Variants in ZNF596 observed in about 807,000 individuals in gnomAD.
The protein encoded by ZNF596 is zinc finger protein 596.
A neutral mutation model predicts 48.3 loss-of-function variants in ZNF596; 45 were observed. The ratio of observed to expected loss-of-function variants is 0.93; its 90% CI spans 0.73 to 1.19. The LOEUF (loss-of-function observed/expected upper bound fraction) is 1.19. Among genes scored for constraint, ZNF596 ranks in the 50% most tolerant of loss-of-function variants. ZNF596 has a pLI of 0.00. For missense variants in ZNF596, 848 were observed against 599.7 expected (o/e 1.41, Z -4.32); for synonymous variants, 270 against 202.0 (o/e 1.34, Z -2.85).
At chr8:241,540 T>C (rs894132901) in intron 2 of ZNF596, among the ~76,000 whole-genome samples, 1 of 152,218 alleles carries the variant, frequency 6.6e-6, no homozygotes, top group African/African-American at 2.4e-5. Context: ...TGATCAAATT[T>C]GATAACTGGA....
At position 246,857 on chromosome 8, in the gene ZNF596, G is replaced by A. The variant is rs1797110496; in HGVS notation, c.*495G>A. On this transcript the variant is annotated 3_prime_UTR_variant, in exon 6 of 6. Transcript: ENST00000398612. ...TATGTGAAAATATTTTTTATTAGGTGGATGAGGCCTCTTGAACAATTCCAG... is the reference window on the plus strand; with the variant it reads ...TATGTGAAAATATTTTTTATTAGGTAGATGAGGCCTCTTGAACAATTCCAG... 1.3e-5 allele frequency: 2 copies of A among 154,798 alleles called. No homozygotes were observed. The highest frequency in any genetic ancestry group is 2.4e-5 in the African/African-American group (1 of 41,446). The allele number at this position is 154,798 out of a possible 1,614,324, so 9.6% of individuals were successfully genotyped here.
chr8:239,849 G>A (rs1032163614), intron 1 of ZNF596, among the ~76,000 whole-genome samples: 1 of 152,118 alleles, frequency 6.6e-6, no homozygotes, highest in Non-Finnish European at 1.5e-5. Flanking sequence ...GGGACTGTAC[G>A]TTCCAAGCTT....
chr8:244,462 A>C, intron 4 of ZNF596, 157 bp from the exon 5 acceptor site: 1 of 614,886 alleles, frequency 1.6e-6, no homozygotes, highest in Non-Finnish European at 2.8e-6. Flanking sequence ...GTCAGTAGTC[A>C]ATGTGCTATA....
At chr8:234,858 A>G (rs1277281827) in intron 1 of ZNF596, 2 of 152,208 alleles carry the variant, frequency 1.3e-5, no homozygotes, top group African/African-American at 4.8e-5. Flanking sequence ...CAGTGAGGCA[A>G]GTATGGGTCG....
At position 246,701 on chromosome 8, in the gene ZNF596, C is replaced by T. The variant is rs1797104587; in HGVS notation, c.*339C>T. On this transcript the variant is annotated 3_prime_UTR_variant, in exon 6 of 6. Coordinates refer to ENST00000398612, the MANE Select transcript of ZNF596 (RefSeq NM_001042416.3). ...AATGCCTTTGCTGATAATTTATCCT[C>T]TAAACAAATGAGTAAAATCCACAGG... is the stretch of plus-strand genomic sequence containing the variant. 4.8e-6 allele frequency: 1 copy of T among 206,660 alleles called. No homozygotes were observed. The highest frequency in any genetic ancestry group is 9.7e-6 in the Non-Finnish European group (1 of 103,158). 12.8% of individuals were successfully genotyped at this position (206,660 alleles called of 1,614,324 possible).
At position 240,636 on chromosome 8, in the gene ZNF596, A is replaced by G. The variant is rs139179838; in HGVS notation, c.-72-188A>G. On this transcript the variant is annotated intron_variant, in intron 1 of 5. Coordinates refer to ENST00000398612, the MANE Select transcript of ZNF596 (RefSeq NM_001042416.3). ...ACATTTCTAGGTCTAAAATAAAAATATTTATATCTTTATTAGCAGCAATAG... is the reference window on the plus strand; with the variant it reads ...ACATTTCTAGGTCTAAAATAAAAATGTTTATATCTTTATTAGCAGCAATAG... 344 of 489,078 alleles carry G rather than the reference A, an allele frequency of 7.0e-4. 1 individual carries two copies. The highest frequency in any genetic ancestry group is 5.5e-3 in the African/African-American group (285 of 52,056). 30.3% of individuals were successfully genotyped at this position (489,078 alleles called of 1,614,324 possible).
rs763092549 is a variant in ZNF596 at position 246,147 on chromosome 8, C to G, written c.1300C>G (p.Leu434Val). The G allele has an allele frequency of 6.2e-7, 1 of 1,613,294 alleles. No individual in the cohort carries two copies. The highest frequency in any genetic ancestry group is 1.3e-5 in the African/African-American group (1 of 74,896). ...CGKAFNHSSV[L>V]RRHERTHTGE... ...AAAAGCCTTCAATCACTCTTCTGTCCTTAGACGACATGAGAGAACTCACAC... is the reference window on the plus strand; with the variant it reads ...AAAAGCCTTCAATCACTCTTCTGTCGTTAGACGACATGAGAGAACTCACAC... Residue 434 changes from leucine (L) to valine (V), a missense_variant, in exon 6 of 6, where the codon CTT becomes GTT. By Grantham distance (32) the Leu-to-Val change is conservative. Transcript: ENST00000398612.
chr8:236,103 A>C (rs960255769), intron 1 of ZNF596, among the ~76,000 whole-genome samples: 2 of 152,136 alleles, frequency 1.3e-5, no homozygotes, highest in Non-Finnish European at 2.9e-5. Flanking sequence ...TATTCATGTC[A>C]TTTTTATATC....
Position 244,645 on chromosome 8 carries a change from G to C in ZNF596, c.250G>C (p.Glu84Gln), listed in dbSNP as rs552316216. ...QGREVGIKHQ[E>Q]IPFIQHIYQK... Reference sequence around the variant, plus strand: ...TAGAGAAGTTGGCATTAAACATCAAGAGATACCATTCATTCAACATATCTA... The same window carrying C: ...TAGAGAAGTTGGCATTAAACATCAACAGATACCATTCATTCAACATATCTA... Residue 84 changes from glutamate to glutamine, a missense_variant, in exon 5 of 6, where the codon GAG becomes CAG. Physicochemically the swap from Glu to Gln is conservative, Grantham distance 29 (BLOSUM62 2). Coordinates refer to ENST00000398612, the MANE Select transcript of ZNF596 (RefSeq NM_001042416.3). 5.6e-6 allele frequency: 9 copies of C among 1,612,498 alleles called. No individual in the cohort carries two copies. In the South Asian group the frequency reaches 7.7e-5, roughly 14 times the overall value.
chr8:235,039 A>G (rs1796567714), intron 1 of ZNF596, among the ~76,000 whole-genome samples: 1 of 152,250 alleles, frequency 6.6e-6, no homozygotes, highest in Non-Finnish European at 1.5e-5. Flanking sequence ...ACAATGAATC[A>G]GTATTGATCT....
At chr8:237,549 T>C (rs1242564510) in intron 1 of ZNF596, 1 of 152,198 alleles carries the variant, frequency 6.6e-6, no homozygotes, top group Non-Finnish European at 1.5e-5. Context: ...TGGTGACGTA[T>C]ACCCACTAGT....
At chr8:244,596 C>CTTT in intron 4 of ZNF596, 23 bp from the exon 5 acceptor site, 5 of 1,425,128 alleles carry the variant, frequency 3.5e-6, no homozygotes, top group Middle Eastern at 1.8e-4. Context: ...TATATAGCAT[C>CTTT]TTTTTTTTTT....
In ZNF596 at chr8:242,917, G is replaced by C. The variant is rs765743425; in HGVS notation, c.43G>C (p.Asp15His). The C allele has an allele frequency of 3.8e-6, 6 of 1,595,144 alleles. No homozygotes were observed. Among genetic ancestry groups the C allele is most frequent in the Non-Finnish European group, 5.1e-6 (6 of 1,167,322 alleles). The change falls in exon 3 of 6, where the codon GAC (aspartate) becomes CAC (histidine). Residue 15 changes from aspartate to histidine, a missense_variant. Coordinates refer to ENST00000398612, the MANE Select transcript of ZNF596 (RefSeq NM_001042416.3). ...DSMTFEDIIV[D>H]FTQEEWALLD... ...CATGACCTTCGAGGATATCATTGTA[G>C]ACTTCACTCAAGAAGAGTGGGCCCT...
chr8:240,462 G>C (rs1563065579), intron 1 of ZNF596: 2 of 182,874 alleles, frequency 1.1e-5, no homozygotes, highest in Non-Finnish European at 2.3e-5. Flanking sequence ...CACAAACCGA[G>C]AATAATTAAA....
At chr8:244,724 C>G in intron 5 of ZNF596, 23 bp downstream of exon 5, 1 of 1,588,426 alleles carries the variant, frequency 6.3e-7, no homozygotes, top group East Asian at 2.2e-5. Flanking sequence ...GATGCAAACC[C>G]TGTTCTTACA....
At chr8:243,493 T>G (rs1036133389) in intron 3 of ZNF596, 1 of 430,632 alleles carries the variant, frequency 2.3e-6, no homozygotes, top group Non-Finnish European at 4.2e-6. Context: ...AAATCAGTAT[T>G]TGAAGTGAGG....
intron 1 of ZNF596, among the ~76,000 whole-genome samples, chr8:236,510 G>A (rs1487700606): frequency 2.0e-5 from 3 of 152,040 alleles, no homozygotes; most frequent in African/African-American, 7.2e-5. Context: ...TAGTGGAAAT[G>A]GTTCTTTTGT....
chr8:239,800 G>C (rs1010615674), intron 1 of ZNF596, among the ~76,000 whole-genome samples: 2 of 152,010 alleles, frequency 1.3e-5, no homozygotes, highest in African/African-American at 4.8e-5. Flanking sequence ...TTATTAACTC[G>C]ATCTCCAGCC....
chr8:236,259 C>G (rs1049061712), intron 1 of ZNF596, among the ~76,000 whole-genome samples: 1 of 152,116 alleles, frequency 6.6e-6, no homozygotes, highest in Non-Finnish European at 1.5e-5. Context: ...ATATTGATTT[C>G]AGAATATTCA....
Sources: allele counts gnomAD v4.1 joint callset (sites outside exome capture counted in the v4.1 genomes callset), GRCh38; gene constraint gnomAD v4.1.1; transcripts MANE v1.5; gene names NCBI Gene and HGNC (gene_info 2026-07-23, HGNC 2026-07-21).